Variants in NTNG1 observed in about 807,000 individuals in gnomAD.
The protein encoded by NTNG1 is netrin G1, also known as netrin-G1.
A neutral mutation model predicts 54.0 loss-of-function variants in NTNG1; 16 were observed. That is an observed-to-expected ratio of 0.30 (90% CI 0.20 to 0.45). The LOEUF (loss-of-function observed/expected upper bound fraction) is 0.45, where lower values mean the gene tolerates loss of function less well. Among genes scored for constraint, NTNG1 ranks in the 20% least tolerant of loss-of-function variants. The pLI is 1.00. For missense variants in NTNG1, 530 were observed against 678.7 expected (o/e 0.78, Z 2.43); for synonymous variants, 255 against 263.1 (o/e 0.97, Z 0.30).
intron 5 of NTNG1, among the ~76,000 whole-genome samples, chr1:107,415,186 A>G (rs981182176): frequency 6.6e-6 from 1 of 151,708 alleles, no homozygotes; most frequent in Non-Finnish European, 1.5e-5. Context: ...ATAAAAAGCT[A>G]TTCTTGAATG....
intron 5 of NTNG1, among the ~76,000 whole-genome samples, chr1:107,425,174 T>C (rs911807748): frequency 1.1e-4 from 16 of 141,718 alleles, no homozygotes; most frequent in Admixed American, 5.0e-4. Flanking sequence ...CATGAAGAGA[T>C]GAAAAGTTGA....
At chr1:107,169,294 G>C (rs1656043767) in intron 2 of NTNG1, among the ~76,000 whole-genome samples, 1 of 152,140 alleles carries the variant, frequency 6.6e-6, no homozygotes, top group Admixed American at 6.6e-5. Flanking sequence ...CAGTAGCAAT[G>C]CTTCCATTTG....
rs542977311 is a variant in NTNG1, at chr1:107,318,747, C to A, written c.247-5535C>A. On this transcript the variant is annotated intron_variant, in intron 2 of 7. Coordinates refer to ENST00000370068, the MANE Select transcript of NTNG1 (RefSeq NM_001113226.3). ...CCAATGGGGGGTCTTGGAACATTTC[C>A]CCAGAGAATAAAGGGGGACTGCTCT... 2.6e-5 allele frequency among the ~76,000 whole-genome samples: 4 copies of A among 152,180 alleles called. No homozygotes were observed. The East Asian group carries it at 7.7e-4, about 29-fold the overall frequency.
chr1:107,447,453 G>C (rs1464590363), intron 7 of NTNG1, among the ~76,000 whole-genome samples: 1 of 152,102 alleles, frequency 6.6e-6, no homozygotes, highest in Middle Eastern at 3.2e-3. Flanking sequence ...GTACTAGTAA[G>C]TCTTTCCTGA....
intron 2 of NTNG1, among the ~76,000 whole-genome samples, chr1:107,242,054 C>T (rs1467841603): frequency 6.6e-6 from 1 of 152,184 alleles, no homozygotes; most frequent in African/African-American, 2.4e-5. Flanking sequence ...AGGCAGATCG[C>T]TCAATGAGCC....
chr1:107,188,761 CAG>C (rs1657664210), intron 2 of NTNG1, among the ~76,000 whole-genome samples: 1 of 152,056 alleles, frequency 6.6e-6, no homozygotes, highest in Non-Finnish European at 1.5e-5. Context: ...ATCCACATAA[CAG>C]GGCAGAATTT....
At chr1:107,173,259 A>G (rs575697614) in intron 2 of NTNG1, among the ~76,000 whole-genome samples, 148 of 152,170 alleles carry the variant, frequency 9.7e-4, no homozygotes, top group Non-Finnish European at 1.6e-3. Context: ...TTTTCATTTT[A>G]TGTTTTGTTC....
chr1:107,309,125 T>C (rs950759972), intron 2 of NTNG1, among the ~76,000 whole-genome samples: 4 of 152,184 alleles, frequency 2.6e-5, no homozygotes, highest in Admixed American at 1.3e-4. Flanking sequence ...TAACGGGCTT[T>C]CCTACCTCCA....
chr1:107,362,486 T>A (rs12406016), intron 3 of NTNG1, among the ~76,000 whole-genome samples: 1 of 152,164 alleles, frequency 6.6e-6, no homozygotes, highest in African/African-American at 2.4e-5. Flanking sequence ...ACTATGGGGT[T>A]GCCGGATCTA....
At chr1:107,437,604 G>A (rs1304706363) in intron 7 of NTNG1, among the ~76,000 whole-genome samples, 1 of 152,106 alleles carries the variant, frequency 6.6e-6, no homozygotes, top group African/African-American at 2.4e-5. Context: ...TAGCAGTGTG[G>A]TCCAATAGAA....
In NTNG1 at chr1:107,177,667, T is replaced by C. The variant is rs1403832397; in HGVS notation, c.246+28828T>C. Among the ~76,000 whole-genome samples, 6 of 152,222 alleles carry C rather than the reference T, an allele frequency of 3.9e-5. 1 individual carries two copies. Among genetic ancestry groups the C allele is most frequent in the Admixed American group, 3.3e-4 (5 of 15,282 alleles). On this transcript the variant is annotated intron_variant, in intron 2 of 7. Transcript: ENST00000370068. ...AACTTTTAAAGAACTGTTGCTGATT[T>C]GCTTCTTGCATTTTTCTCCATAACT...
intron 7 of NTNG1, among the ~76,000 whole-genome samples, chr1:107,464,215 T>C (rs1350004447): frequency 2.0e-5 from 3 of 152,226 alleles, no homozygotes; most frequent in Non-Finnish European, 4.4e-5. Flanking sequence ...TGCTTTGTCT[T>C]GTTAAAGCCA....
intron 2 of NTNG1, among the ~76,000 whole-genome samples, chr1:107,295,627 G>T (rs1199837783): frequency 6.6e-6 from 1 of 152,022 alleles, no homozygotes; most frequent in Non-Finnish European, 1.5e-5. Context: ...GAATTTTGCA[G>T]GATTATTTAT....
intron 7 of NTNG1, among the ~76,000 whole-genome samples, chr1:107,455,446 C>T (rs540381681): frequency 6.6e-6 from 1 of 152,322 alleles, no homozygotes; most frequent in East Asian, 1.9e-4. Flanking sequence ...ATCAAGTGAA[C>T]CTGAGGGTTG....
In NTNG1 at chr1:107,482,173, G is replaced by A. The variant is rs1208617294; in HGVS notation, c.*1333G>A. The A allele has an allele frequency of 3.3e-5, 5 of 151,830 alleles. No homozygotes were observed. The East Asian group carries it at 9.6e-4, about 29-fold the overall frequency. The allele number at this position is 151,830 out of a possible 1,614,324, so 9.4% of individuals were successfully genotyped here. A position where few individuals can be genotyped will look rare whatever the true frequency, so the allele number is the denominator to read the frequency against. On this transcript the variant is annotated 3_prime_UTR_variant, in exon 8 of 8. Coordinates refer to ENST00000370068, the MANE Select transcript of NTNG1 (RefSeq NM_001113226.3). ...GTCATGCTATTTTCACAGATTGATGGTGATCATGTGACTCTAGGGATGCTG... is the reference window on the plus strand; with the variant it reads ...GTCATGCTATTTTCACAGATTGATGATGATCATGTGACTCTAGGGATGCTG...
chr1:107,404,942 T>C (rs909912419), intron 4 of NTNG1, among the ~76,000 whole-genome samples: 1 of 152,186 alleles, frequency 6.6e-6, no homozygotes, highest in African/African-American at 2.4e-5. Flanking sequence ...TGACTCTCAT[T>C]CCTGTGGCTT....
chr1:107,387,543 A>G (rs576567386), intron 3 of NTNG1, among the ~76,000 whole-genome samples: 2 of 152,310 alleles, frequency 1.3e-5, no homozygotes, highest in Admixed American at 1.3e-4. Flanking sequence ...TGGTCCATGG[A>G]CCACACATTG....
At chr1:107,270,588 G>T (rs1664075092) in intron 2 of NTNG1, among the ~76,000 whole-genome samples, 1 of 152,060 alleles carries the variant, frequency 6.6e-6, no homozygotes, top group South Asian at 2.1e-4. Flanking sequence ...TGTAGGAAGA[G>T]CTGTTTACCA....
At chr1:107,343,235 G>A (rs749988187) in intron 3 of NTNG1, among the ~76,000 whole-genome samples, 1 of 152,132 alleles carries the variant, frequency 6.6e-6, no homozygotes, top group African/African-American at 2.4e-5. Flanking sequence ...TGGCAAAGAA[G>A]GGAATGTTCC....
Sources: allele counts gnomAD v4.1 joint callset (sites outside exome capture counted in the v4.1 genomes callset), GRCh38; gene constraint gnomAD v4.1.1; transcripts MANE v1.5; gene names NCBI Gene and HGNC (gene_info 2026-07-23, HGNC 2026-07-21).